Variants in MACROD2 observed in about 807,000 individuals in gnomAD.
MACROD2 encodes the protein mono-ADP ribosylhydrolase 2, also known as ADP-ribose glycohydrolase MACROD2.
MACROD2 carries 36 observed loss-of-function variants against 70.4 expected under a neutral mutation model. The ratio of observed to expected loss-of-function variants is 0.51; its 90% CI spans 0.39 to 0.68. MACROD2 has a LOEUF of 0.68. MACROD2 is among the 30% of genes least tolerant of loss of function. The pLI, the probability that MACROD2 is intolerant of heterozygous loss-of-function variation, is 0.00. For missense variants in MACROD2, 496 were observed against 538.4 expected (o/e 0.92, Z 0.78); for synonymous variants, 172 against 178.8 (o/e 0.96, Z 0.30).
chr20:15,022,959 T>G (rs1003413058), intron 5 of MACROD2: 1 of 151,662 alleles, frequency 6.6e-6, no homozygotes, highest in African/African-American at 2.4e-5. Context: ...CCATAAAAAA[T>G]TATATATATA....
chr20:15,388,280 C>T (rs993594251), intron 6 of MACROD2, among the ~76,000 whole-genome samples: 5 of 151,970 alleles, frequency 3.3e-5, no homozygotes, highest in Admixed American at 6.6e-5. Context: ...GAAAGTAATA[C>T]AGAGAGAAAA....
At chr20:16,046,174 G>T (rs926787712) in intron 17 of MACROD2, among the ~76,000 whole-genome samples, 5 of 152,044 alleles carry the variant, frequency 3.3e-5, no homozygotes, top group African/African-American at 9.7e-5. Context: ...CATCATGGAA[G>T]AATAAAATAT....
intron 8 of MACROD2, among the ~76,000 whole-genome samples, chr20:15,753,562 T>C (rs2051304545): frequency 6.6e-6 from 1 of 152,216 alleles, no homozygotes; most frequent in Non-Finnish European, 1.5e-5. Context: ...TTGTGAATAG[T>C]GCTGCAATGA....
chr20:14,904,851 T>C (rs1568865528), intron 5 of MACROD2: 1 of 152,308 alleles, frequency 6.6e-6, no homozygotes, highest in Admixed American at 6.5e-5. Context: ...ATATGTATAG[T>C]AGGAAGCTTG....
At chr20:14,413,945 T>C (rs1413288485) in intron 3 of MACROD2, among the ~76,000 whole-genome samples, 2 of 152,180 alleles carry the variant, frequency 1.3e-5, no homozygotes, top group Non-Finnish European at 2.9e-5. Flanking sequence ...ACAAATTGAT[T>C]ATAAATGTGA....
chr20:14,613,490 G>C (rs975902528), intron 4 of MACROD2, among the ~76,000 whole-genome samples: 1 of 151,990 alleles, frequency 6.6e-6, no homozygotes, highest in African/African-American at 2.4e-5. Flanking sequence ...GAGAGCAGTG[G>C]GGAGGAAGAA....
At chr20:14,580,051 A>G (rs945247310) in intron 4 of MACROD2, among the ~76,000 whole-genome samples, 4 of 152,242 alleles carry the variant, frequency 2.6e-5, no homozygotes, top group African/African-American at 9.6e-5. Context: ...TTAGCAAGAT[A>G]ATTAAGTGCC....
At chr20:14,336,891 A>C (rs1412560330) in intron 3 of MACROD2, among the ~76,000 whole-genome samples, 1 of 152,226 alleles carries the variant, frequency 6.6e-6, no homozygotes, top group Admixed American at 6.5e-5. Flanking sequence ...GTAGCTGTTA[A>C]TCCTTTACAG....
chr20:15,724,131 A>G (rs992477285), intron 8 of MACROD2, among the ~76,000 whole-genome samples: 1 of 152,148 alleles, frequency 6.6e-6, no homozygotes, highest in South Asian at 2.1e-4. Flanking sequence ...TAATTTTATT[A>G]TTATTGAGTT....
At chr20:14,668,828 T>C (rs1402672473) in intron 4 of MACROD2, among the ~76,000 whole-genome samples, 1 of 152,154 alleles carries the variant, frequency 6.6e-6, no homozygotes, top group African/African-American at 2.4e-5. Context: ...AATCTTCATC[T>C]ATACACAAAC....
intron 3 of MACROD2, among the ~76,000 whole-genome samples, chr20:14,235,697 T>C (rs1001994990): frequency 3.9e-5 from 6 of 152,100 alleles, no homozygotes; most frequent in Non-Finnish European, 7.4e-5. Flanking sequence ...TAGATTACAC[T>C]TTTTTCACGA....
At chr20:15,989,312 T>C (rs534616627) in intron 15 of MACROD2, among the ~76,000 whole-genome samples, 1 of 152,322 alleles carries the variant, frequency 6.6e-6, no homozygotes, top group Non-Finnish European at 1.5e-5. Flanking sequence ...ATCCATTTGG[T>C]TGGCAGCACC....
intron 7 of MACROD2, among the ~76,000 whole-genome samples, chr20:15,433,197 T>A (rs2046384966): frequency 6.6e-6 from 1 of 152,046 alleles, no homozygotes; most frequent in Non-Finnish European, 1.5e-5. Context: ...CTGGAAATTT[T>A]AGCCAGAGCA....
intron 5 of MACROD2, among the ~76,000 whole-genome samples, chr20:14,987,575 G>A (rs926595202): frequency 6.6e-6 from 1 of 152,108 alleles, no homozygotes. Flanking sequence ...AGTACACTGA[G>A]CGGAGTAGAT....
chr20:14,681,391 A>G (rs1031270214), intron 4 of MACROD2, among the ~76,000 whole-genome samples: 2 of 152,240 alleles, frequency 1.3e-5, no homozygotes, highest in Admixed American at 6.5e-5. Flanking sequence ...AAGAAATTAC[A>G]GCATATTCAA....
intron 5 of MACROD2, among the ~76,000 whole-genome samples, chr20:15,198,194 C>T (rs1196948272): frequency 6.6e-5 from 10 of 152,028 alleles, no homozygotes; most frequent in South Asian, 2.1e-4. Context: ...CTCCTGACCT[C>T]GTGATCCACC....
At chr20:15,721,454 GTTGT>G (rs1052445578) in intron 8 of MACROD2, among the ~76,000 whole-genome samples, 21 of 152,112 alleles carry the variant, frequency 1.4e-4, no homozygotes, top group Middle Eastern at 3.4e-3. Flanking sequence ...CTTGATCTCT[GTTGT>G]TTTTGAAGAA....
intron 5 of MACROD2, among the ~76,000 whole-genome samples, chr20:15,000,040 G>C (rs1201162525): frequency 6.6e-6 from 1 of 152,132 alleles, no homozygotes; most frequent in Non-Finnish European, 1.5e-5. Context: ...ATTCATCATT[G>C]CAGTTACTCT....
At chr20:14,498,843 C>T (rs969884208) in intron 4 of MACROD2, among the ~76,000 whole-genome samples, 1 of 152,236 alleles carries the variant, frequency 6.6e-6, no homozygotes, top group African/African-American at 2.4e-5. Context: ...TACACAACGG[C>T]TTTCCCAGCA....
Sources: gnomAD v4.1 joint callset for allele counts (sites outside exome capture counted in the v4.1 genomes callset) on GRCh38, gnomAD v4.1.1 for gene constraint, MANE v1.5 for transcripts, NCBI Gene and HGNC (gene_info 2026-07-23, HGNC 2026-07-21) for gene names.